SETBP1: variants seen among roughly 807,000 people sequenced by gnomAD.
The protein encoded by SETBP1 is SET binding protein 1.
Under a neutral mutation model 101.0 loss-of-function variants are expected in SETBP1, and 9 were observed. The ratio of observed to expected loss-of-function variants is 0.09; its 90% CI spans 0.05 to 0.16. SETBP1 has a LOEUF of 0.16. Among genes scored for constraint, SETBP1 ranks in the 10% least tolerant of loss-of-function variants. The pLI, the probability that SETBP1 is intolerant of heterozygous loss-of-function variation, is 1.00. For synonymous variants in SETBP1, 818 were observed against 788.5 expected (o/e 1.04, Z -0.63); for missense variants, 1,858 against 2,033.8 (o/e 0.91, Z 1.66).
intron 2 of SETBP1, among the ~76,000 whole-genome samples, chr18:44,823,429 T>A (rs2144397544): frequency 6.6e-6 from 1 of 152,368 alleles, no homozygotes; most frequent in East Asian, 1.9e-4. Flanking sequence ...AGTTATATTT[T>A]CAGAAAGCAA....
chr18:44,937,151 C>A (rs961775911), intron 3 of SETBP1, among the ~76,000 whole-genome samples: 3 of 152,168 alleles, frequency 2.0e-5, no homozygotes, highest in African/African-American at 7.2e-5. Flanking sequence ...TTCAACTCCC[C>A]CTTTAAGATA....
chr18:44,924,777 G>T (rs1255725181), intron 3 of SETBP1, among the ~76,000 whole-genome samples: 2 of 152,088 alleles, frequency 1.3e-5, no homozygotes, highest in East Asian at 3.9e-4. Context: ...AAAGTACATT[G>T]CTCATCCCCC....
intron 2 of SETBP1, among the ~76,000 whole-genome samples, chr18:44,795,139 T>A (rs2144747271): frequency 6.6e-6 from 1 of 152,350 alleles, no homozygotes; most frequent in Middle Eastern, 3.4e-3. Flanking sequence ...ATAAGGTCAC[T>A]GCTTGCCATA....
chr18:44,905,463 C>A (rs1479330780), intron 3 of SETBP1, among the ~76,000 whole-genome samples: 1 of 152,132 alleles, frequency 6.6e-6, no homozygotes, highest in Non-Finnish European at 1.5e-5. Context: ...TCTAACACAT[C>A]TTAGATACTC....
intron 3 of SETBP1, among the ~76,000 whole-genome samples, chr18:44,926,730 C>G (rs1368287437): frequency 6.8e-6 from 1 of 147,636 alleles, no homozygotes; most frequent in Admixed American, 6.8e-5. Context: ...CAGAAATGCT[C>G]AAGGAACTGA....
intron 2 of SETBP1, among the ~76,000 whole-genome samples, chr18:44,768,225 A>C (rs750303704): frequency 6.6e-6 from 1 of 152,178 alleles, no homozygotes. Flanking sequence ...TTGTTAAGTG[A>C]GAGGAATCTG....
At chr18:44,801,027 A>G (rs1307211818) in intron 2 of SETBP1, among the ~76,000 whole-genome samples, 1 of 152,164 alleles carries the variant, frequency 6.6e-6, no homozygotes, top group Non-Finnish European at 1.5e-5. Flanking sequence ...AAACTACCAT[A>G]AGGACAAAAA....
At chr18:45,030,990 G>T (rs1279436128) in intron 4 of SETBP1, among the ~76,000 whole-genome samples, 2 of 151,702 alleles carry the variant, frequency 1.3e-5, no homozygotes, top group South Asian at 2.1e-4. Context: ...TTTTTGAAGG[G>T]TTTTTTGTGT....
chr18:44,952,717 G>A lies in SETBP1; in HGVS notation c.3377G>A (p.Gly1126Asp). The change falls in exon 4 of 6, where the codon GGT becomes GAT. Residue 1126 changes from glycine to aspartate, a missense_variant. Around this residue, in one of 12 missense-constraint regions of SETBP1, gnomAD observed 417 missense variants for 389.1 expected, o/e 1.07. Coordinates refer to ENST00000649279, the MANE Select transcript of SETBP1 (RefSeq NM_015559.3). ...HLQGPVSMGL[G>D]DMQPSLNPPK... ...CAGGGACCTGTTAGCATGGGCCTTGGTGACATGCAGCCTTCTCTGAACCCT... is the reference window on the plus strand; with the variant it reads ...CAGGGACCTGTTAGCATGGGCCTTGATGACATGCAGCCTTCTCTGAACCCT... 4 of 1,614,136 alleles carry A rather than the reference G, an allele frequency of 2.5e-6. No individual in the cohort carries two copies. The highest frequency in any genetic ancestry group is 3.4e-6 in the Non-Finnish European group (4 of 1,180,038).
intron 5 of SETBP1, among the ~76,000 whole-genome samples, chr18:45,055,371 T>G (rs1391300300): frequency 6.6e-6 from 1 of 152,196 alleles, no homozygotes; most frequent in African/African-American, 2.4e-5. Flanking sequence ...AATACAAACT[T>G]TAACAGGATG....
chr18:44,699,965 G>A (rs2069088731), intron 1 of SETBP1, among the ~76,000 whole-genome samples: 1 of 152,102 alleles, frequency 6.6e-6, no homozygotes, highest in Non-Finnish European at 1.5e-5. Context: ...TTAAATTGAT[G>A]GGCTCAGAGG....
chr18:44,748,034 T>C (rs2070298402), intron 2 of SETBP1, among the ~76,000 whole-genome samples: 1 of 152,160 alleles, frequency 6.6e-6, no homozygotes, highest in South Asian at 2.1e-4. Context: ...GTGGGGAGGC[T>C]GGCAGTACCC....
At chr18:45,008,352 G>A (rs1568024908) in intron 4 of SETBP1, among the ~76,000 whole-genome samples, 1 of 152,168 alleles carries the variant, frequency 6.6e-6, no homozygotes, top group African/African-American at 2.4e-5. Flanking sequence ...GACCATGTAT[G>A]TCCATCATGA....
intron 2 of SETBP1, among the ~76,000 whole-genome samples, chr18:44,752,719 T>C (rs890810568): frequency 3.3e-5 from 5 of 152,154 alleles, no homozygotes; most frequent in Non-Finnish European, 7.4e-5. Flanking sequence ...CAAAGAAGGT[T>C]TGTAGGAAAT....
At chr18:44,823,636 G>A (rs1293816197) in intron 2 of SETBP1, among the ~76,000 whole-genome samples, 3 of 152,190 alleles carry the variant, frequency 2.0e-5, no homozygotes, top group South Asian at 2.1e-4. Flanking sequence ...TTCAAACCTC[G>A]ATGCAGAGCA....
intron 2 of SETBP1, among the ~76,000 whole-genome samples, chr18:44,839,517 C>T (rs539438378): frequency 8.9e-4 from 135 of 152,314 alleles, no homozygotes; most frequent in Admixed American, 5.0e-3. Flanking sequence ...AACCATGGGA[C>T]GTGCCCTCTG....
At chr18:44,929,312 G>A (rs982914636) in intron 3 of SETBP1, among the ~76,000 whole-genome samples, 1 of 152,194 alleles carries the variant, frequency 6.6e-6, no homozygotes, top group African/African-American at 2.4e-5. Flanking sequence ...TTTGGTAGCA[G>A]TACCATGCTG....
Position 45,038,481 on chromosome 18 carries a change from T to A in SETBP1, c.4001-4T>A. On this transcript the variant is annotated splice_region_variant and splice_polypyrimidine_tract_variant and intron_variant, in intron 4 of 5. Transcript: ENST00000649279. Reference sequence around the variant, plus strand: ...CTGAAAGCTTTGGGGTTGTTATTTTTTAGGGATGCCAAGTCCCCACTTAAA... The same window carrying A: ...CTGAAAGCTTTGGGGTTGTTATTTTATAGGGATGCCAAGTCCCCACTTAAA... 6.2e-7 allele frequency: 1 copy of A among 1,614,044 alleles called. No individual in the cohort carries two copies. Among genetic ancestry groups the A allele is most frequent in the Non-Finnish European group, 8.5e-7 (1 of 1,179,958 alleles).
chr18:44,716,381 G>A (rs1198969551), intron 2 of SETBP1, among the ~76,000 whole-genome samples: 1 of 152,150 alleles, frequency 6.6e-6, no homozygotes, highest in Non-Finnish European at 1.5e-5. Context: ...ACTGACGGAA[G>A]TTTTTCTTTC....
Sources: allele counts gnomAD v4.1 joint callset (sites outside exome capture counted in the v4.1 genomes callset), GRCh38; gene constraint gnomAD v4.1.1; regional missense constraint gnomAD v4.1.1; transcripts MANE v1.5; gene names NCBI Gene and HGNC (gene_info 2026-07-23, HGNC 2026-07-21).